CHRNA7: variants seen among roughly 807,000 people sequenced by gnomAD.
CHRNA7 encodes the protein cholinergic receptor nicotinic alpha 7 subunit.
In CHRNA7, 17 loss-of-function variants were observed where a neutral mutation model predicts 48.0. That is an observed-to-expected ratio of 0.35 (90% CI 0.24 to 0.53). The LOEUF (loss-of-function observed/expected upper bound fraction) is 0.53, where lower values mean the gene tolerates loss of function less well. CHRNA7 is among the 20% of genes least tolerant of loss of function. CHRNA7 has a pLI of 0.92. For missense variants in CHRNA7, 155 were observed against 577.7 expected, an observed-to-expected ratio of 0.27 and a Z score of 7.50; for synonymous variants, 75 against 242.3, an observed-to-expected ratio of 0.31 and a Z score of 6.41.
At chr15:32,059,027 A>T (rs2049833257) in intron 2 of CHRNA7, among the ~76,000 whole-genome samples, 2 of 151,480 alleles carry the variant, frequency 1.3e-5, no homozygotes, top group South Asian at 4.2e-4. Context: ...TTTTTGGGAC[A>T]GAGTCTTACT....
At chr15:32,091,059 T>C (rs943022545) in intron 2 of CHRNA7, among the ~76,000 whole-genome samples, 12 of 152,208 alleles carry the variant, frequency 7.9e-5, no homozygotes, top group Non-Finnish European at 1.5e-4. Flanking sequence ...AAATTTTTCA[T>C]TTTGTAAAGC....
intron 2 of CHRNA7, among the ~76,000 whole-genome samples, chr15:32,042,182 A>G (rs2049461424): frequency 6.6e-6 from 1 of 152,148 alleles, no homozygotes; most frequent in South Asian, 2.1e-4. Flanking sequence ...TACTCCTATG[A>G]TTAGGTCTCA....
intron 4 of CHRNA7, among the ~76,000 whole-genome samples, chr15:32,127,700 T>C (rs908565289): frequency 3.3e-5 from 5 of 152,162 alleles, no homozygotes; most frequent in African/African-American, 1.2e-4. Context: ...GAGTTCTTTA[T>C]GCTAGATATG....
At chr15:32,114,153 G>A (rs977823811) in intron 4 of CHRNA7, among the ~76,000 whole-genome samples, 4 of 149,914 alleles carry the variant, frequency 2.7e-5, no homozygotes, top group African/African-American at 9.8e-5. Context: ...CAGAGAGAGA[G>A]AGAGAGAGCA....
At chr15:32,070,706 A>T (rs1272035378) in intron 2 of CHRNA7, among the ~76,000 whole-genome samples, 7 of 56,698 alleles carry the variant, frequency 1.2e-4, no homozygotes, top group African/African-American at 4.6e-4. Flanking sequence ...TTTTTTTTTG[A>T]GACGGAGTCT....
At chr15:32,034,460 C>G (rs1434120139) in intron 2 of CHRNA7, among the ~76,000 whole-genome samples, 1 of 152,146 alleles carries the variant, frequency 6.6e-6, no homozygotes. Flanking sequence ...GCTCTAGAAG[C>G]ACACCTTACA....
At chr15:32,145,705 C>T (rs1354957084) in intron 4 of CHRNA7, among the ~76,000 whole-genome samples, 3 of 152,174 alleles carry the variant, frequency 2.0e-5, no homozygotes, top group Non-Finnish European at 2.9e-5. Flanking sequence ...AGCAAGGCTC[C>T]GTGGGTGTGG....
At chr15:32,105,632 C>T (rs1205677991) in intron 3 of CHRNA7, among the ~76,000 whole-genome samples, 1 of 152,136 alleles carries the variant, frequency 6.6e-6, no homozygotes, top group Non-Finnish European at 1.5e-5. Flanking sequence ...GAAATCTCTG[C>T]TTTAAAGAAA....
chr15:32,115,796 A>G lies in CHRNA7; in HGVS notation c.350+3897A>G, dbSNP rs150896924. 9.9e-4 allele frequency among the ~76,000 whole-genome samples: 150 copies of G among 152,202 alleles called. 1 individual carries two copies. The highest frequency in any genetic ancestry group is 3.3e-3 in the African/African-American group (136 of 41,520). On this transcript the variant is annotated intron_variant, in intron 4 of 9. Coordinates refer to ENST00000306901, the MANE Select transcript of CHRNA7 (RefSeq NM_000746.6). ...TATGCAAAGACAAGATGGAGAGAGG[A>G]AGGGAGGGTGCAGGAATTATTAGGA...
intron 2 of CHRNA7, among the ~76,000 whole-genome samples, chr15:32,075,944 C>T (rs1250320638): frequency 2.0e-5 from 3 of 151,930 alleles, no homozygotes. Flanking sequence ...TTCTTTTTGA[C>T]CTACAGATTA....
intron 2 of CHRNA7, among the ~76,000 whole-genome samples, chr15:32,091,826 G>A (rs1056802850): frequency 2.0e-5 from 3 of 147,322 alleles, no homozygotes; most frequent in Admixed American, 6.8e-5. Flanking sequence ...CTTGGATTTT[G>A]TTGTTGTTGT....
At chr15:32,051,085 C>T (rs1047806790) in intron 2 of CHRNA7, among the ~76,000 whole-genome samples, 4 of 151,750 alleles carry the variant, frequency 2.6e-5, no homozygotes, top group Admixed American at 2.0e-4. Context: ...TTAGGCTGCT[C>T]GGGGGTCAGG....
chr15:32,081,240 A>G (rs183955697), intron 2 of CHRNA7, among the ~76,000 whole-genome samples: 2 of 152,312 alleles, frequency 1.3e-5, no homozygotes, highest in East Asian at 3.9e-4. Context: ...CCACCATGGC[A>G]CATGTTTACC....
chr15:32,109,831 G>T (rs2050733325), intron 3 of CHRNA7, among the ~76,000 whole-genome samples: 1 of 152,224 alleles, frequency 6.6e-6, no homozygotes, highest in African/African-American at 2.4e-5. Flanking sequence ...TCTGGCCGGG[G>T]AGGGGATGAG....
intron 2 of CHRNA7, among the ~76,000 whole-genome samples, chr15:32,076,441 T>C (rs551324483): frequency 1.3e-5 from 2 of 152,324 alleles, no homozygotes; most frequent in Non-Finnish European, 2.9e-5. Context: ...TTCTTTGCTC[T>C]GAATGCTTTA....
At position 32,111,900 on chromosome 15, in the gene CHRNA7, G is replaced by A. The variant is rs752984260; in HGVS notation, c.350+1G>A. Reference sequence around the variant, plus strand: ...AACCAGACATTCTTCTCTATAACAGGTAAGCATATTGAACAAAGGAAAAAA... The same window carrying A: ...AACCAGACATTCTTCTCTATAACAGATAAGCATATTGAACAAAGGAAAAAA... On this transcript the variant is annotated splice_donor_variant, in intron 4 of 9. Coordinates refer to ENST00000306901, the MANE Select transcript of CHRNA7 (RefSeq NM_000746.6). LOFTEE classifies it high-confidence loss of function. The A allele has an allele frequency of 9.6e-6, 15 of 1,559,518 alleles. No individual in the cohort carries two copies. Among genetic ancestry groups the A allele is most frequent in the African/African-American group, 1.4e-5 (1 of 73,756 alleles).
intron 4 of CHRNA7, among the ~76,000 whole-genome samples, chr15:32,119,348 A>G (rs1276019798): frequency 6.6e-6 from 1 of 152,240 alleles, no homozygotes; most frequent in Non-Finnish European, 1.5e-5. Flanking sequence ...TTGACACACG[A>G]TCACTTTATA....
chr15:32,125,915 A>G (rs999465500), intron 4 of CHRNA7, among the ~76,000 whole-genome samples: 1 of 152,114 alleles, frequency 6.6e-6, no homozygotes, highest in African/African-American at 2.4e-5. Flanking sequence ...ATTTCAGCCC[A>G]TACACTTCCT....
chr15:32,124,081 C>G (rs1346786427), intron 4 of CHRNA7, among the ~76,000 whole-genome samples: 1 of 151,674 alleles, frequency 6.6e-6, no homozygotes, highest in African/African-American at 2.4e-5. Flanking sequence ...CATAACAGTT[C>G]TCAAACCAAA....
Sources: gnomAD v4.1 joint callset for allele counts (sites outside exome capture counted in the v4.1 genomes callset) on GRCh38, gnomAD v4.1.1 for gene constraint, MANE v1.5 for transcripts, NCBI Gene and HGNC (gene_info 2026-07-23, HGNC 2026-07-21) for gene names.